Variants in TMEM132D observed in about 807,000 individuals in gnomAD.
TMEM132D encodes the protein transmembrane protein 132D.
TMEM132D carries 21 observed loss-of-function variants against 62.3 expected under a neutral mutation model. The ratio of observed to expected loss-of-function variants is 0.34; its 90% CI spans 0.24 to 0.49. TMEM132D has a LOEUF of 0.49. Ranked by LOEUF, TMEM132D falls within the 20% of genes least tolerant of loss-of-function variation. The pLI is 0.99. For synonymous variants in TMEM132D, 621 were observed against 575.6 expected (o/e 1.08, Z -1.13); for missense variants, 1,346 against 1,402.8 (o/e 0.96, Z 0.65).
rs186785335 is a variant in TMEM132D at position 129,417,173 on chromosome 12, G to A, written c.1116-79356C>T. ...GTAGAATTCGGCTGTGAATCCATCT[G>A]GTCCTGGGCTTTTTTTGTTGGTAGG... is the stretch of plus-strand genomic sequence containing the variant. On this transcript the variant is annotated intron_variant, in intron 3 of 8. Coordinates refer to ENST00000422113, the MANE Select transcript of TMEM132D (RefSeq NM_133448.3). Among the ~76,000 whole-genome samples, 335 of 152,220 alleles carry A rather than the reference G, an allele frequency of 2.2e-3. 1 individual carries two copies. Among genetic ancestry groups the A allele is most frequent in the Non-Finnish European group, 2.7e-3 (187 of 68,014 alleles).
At position 129,531,102 on chromosome 12, in the gene TMEM132D, C is replaced by T. The variant is rs758754781; in HGVS notation, c.1072G>A (p.Ala358Thr). Residue 358 changes from alanine (A) to threonine (T), a missense_variant, in exon 3 of 9, where the codon GCT (alanine) becomes ACT (threonine). Physicochemically the swap from Ala to Thr is moderately conservative, Grantham distance 58. Coordinates refer to ENST00000422113, the MANE Select transcript of TMEM132D (RefSeq NM_133448.3). ...GCTTTCTTCTGACAAACGATGACAGCTGGTGCATACTTTCCAGTATAATCC... is the reference window on the plus strand; with the variant it reads ...GCTTTCTTCTGACAAACGATGACAGTTGGTGCATACTTTCCAGTATAATCC... Reference protein sequence around the residue: ...RTDYTGKYAPAVIVCQKKAAG... With the variant: ...RTDYTGKYAPTVIVCQKKAAG... 6.2e-7 allele frequency: 1 copy of T among 1,613,752 alleles called. No homozygotes were observed. The highest frequency in any genetic ancestry group is 8.5e-7 in the Non-Finnish European group (1 of 1,179,858).
chr12:129,240,459 A>T (rs1879907062), intron 4 of TMEM132D, among the ~76,000 whole-genome samples: 1 of 149,904 alleles, frequency 6.7e-6, no homozygotes. Flanking sequence ...TTTTTGCTGA[A>T]TGAATAAGAA....
At chr12:129,843,125 A>T (rs1186619829) in intron 1 of TMEM132D, among the ~76,000 whole-genome samples, 1 of 152,200 alleles carries the variant, frequency 6.6e-6, no homozygotes, top group East Asian at 1.9e-4. Flanking sequence ...TGCCTGTAAG[A>T]TGTTGTTTAA....
rs551489643 is a variant in TMEM132D at position 129,801,185 on chromosome 12, G to A, written c.80-100487C>T. 2.7e-3 allele frequency among the ~76,000 whole-genome samples: 413 copies of A among 152,294 alleles called. 1 individual carries two copies. Among genetic ancestry groups the A allele is most frequent in the African/African-American group, 9.6e-3 (399 of 41,580 alleles). On this transcript the variant is annotated intron_variant, in intron 1 of 8. Coordinates refer to ENST00000422113, the MANE Select transcript of TMEM132D (RefSeq NM_133448.3). ...GCTTGCTCAGGTAAACAAAGCAGCCGGGAAGCTCCAACTGGGTGGAGCCCA... is the reference window on the plus strand; with the variant it reads ...GCTTGCTCAGGTAAACAAAGCAGCCAGGAAGCTCCAACTGGGTGGAGCCCA...
intron 3 of TMEM132D, among the ~76,000 whole-genome samples, chr12:129,356,697 T>TAAATAAAA (rs1870067147): frequency 7.1e-6 from 1 of 141,014 alleles, no homozygotes; most frequent in Non-Finnish European, 1.6e-5. Flanking sequence ...AATAAATAAA[T>TAAATAAAA]AAAATAAAAA....
intron 3 of TMEM132D, among the ~76,000 whole-genome samples, chr12:129,375,837 C>T (rs563686019): frequency 6.6e-6 from 1 of 152,314 alleles, no homozygotes; most frequent in Non-Finnish European, 1.5e-5. Context: ...CTGTGGTTCT[C>T]AGCTCACTCA....
intron 1 of TMEM132D, among the ~76,000 whole-genome samples, chr12:129,759,131 A>T (rs1331880632): frequency 6.6e-6 from 1 of 151,886 alleles, no homozygotes; most frequent in East Asian, 1.9e-4. Context: ...ACAGGGTTTC[A>T]CCATGTTGGC....
At chr12:129,564,241 T>A (rs1233369712) in intron 2 of TMEM132D, among the ~76,000 whole-genome samples, 1 of 152,212 alleles carries the variant, frequency 6.6e-6, no homozygotes, top group Non-Finnish European at 1.5e-5. Context: ...AATCTAAGTC[T>A]CCTTGACTTG....
intron 4 of TMEM132D, among the ~76,000 whole-genome samples, chr12:129,259,087 G>A (rs1880483822): frequency 1.3e-5 from 2 of 152,180 alleles, no homozygotes; most frequent in South Asian, 4.1e-4. Context: ...ACACTCCAGG[G>A]CCTCTTATCT....
intron 2 of TMEM132D, among the ~76,000 whole-genome samples, chr12:129,579,934 T>G (rs1422563429): frequency 6.6e-6 from 1 of 152,124 alleles, no homozygotes; most frequent in African/African-American, 2.4e-5. Context: ...AGTGGTTTAT[T>G]TGGAAATGTG....
intron 4 of TMEM132D, among the ~76,000 whole-genome samples, chr12:129,322,387 A>G (rs1333443084): frequency 1.3e-5 from 2 of 151,506 alleles, no homozygotes; most frequent in Non-Finnish European, 2.9e-5. Flanking sequence ...CAAAATGGCC[A>G]TGCCATGATG....
At chr12:129,562,351 G>T (rs986326) in intron 2 of TMEM132D, among the ~76,000 whole-genome samples, 6,111 of 152,240 alleles carry the variant, frequency 0.04, 439 homozygotes, top group African/African-American at 0.14. Flanking sequence ...TGCAGACCAA[G>T]TTACCCAGCT....
intron 3 of TMEM132D, among the ~76,000 whole-genome samples, chr12:129,501,781 C>T (rs7957816): frequency 0.076 from 11,581 of 152,064 alleles, 571 homozygotes; most frequent in Admixed American, 0.13. Context: ...GCTGGGATTA[C>T]GGGTGTGCAC....
At chr12:129,228,406 T>G (rs993259185) in intron 4 of TMEM132D, among the ~76,000 whole-genome samples, 1 of 152,182 alleles carries the variant, frequency 6.6e-6, no homozygotes, top group Non-Finnish European at 1.5e-5. Context: ...AGTGTGCAAT[T>G]CATTAGTTTT....
intron 1 of TMEM132D, among the ~76,000 whole-genome samples, chr12:129,822,029 T>C (rs1470330267): frequency 1.3e-5 from 2 of 152,160 alleles, no homozygotes; most frequent in African/African-American, 4.8e-5. Flanking sequence ...TTTGTACTCA[T>C]GGAGCAAATT....
chr12:129,347,619 G>A (rs1410523009), intron 3 of TMEM132D, among the ~76,000 whole-genome samples: 3 of 152,024 alleles, frequency 2.0e-5, no homozygotes, highest in Admixed American at 1.3e-4. Flanking sequence ...AGAGGAAAAC[G>A]TAGGCAATAC....
intron 3 of TMEM132D, among the ~76,000 whole-genome samples, chr12:129,458,340 T>C (rs913231561): frequency 6.6e-6 from 1 of 151,086 alleles, no homozygotes; most frequent in Admixed American, 6.6e-5. Flanking sequence ...ATTTAAACAA[T>C]AAAAAATGGT....
intron 2 of TMEM132D, among the ~76,000 whole-genome samples, chr12:129,604,515 C>T (rs779282076): frequency 1.1e-4 from 16 of 152,122 alleles, no homozygotes; most frequent in African/African-American, 2.4e-4. Flanking sequence ...CCAAGGAGCA[C>T]GAGCGTTGGA....
chr12:129,822,841 A>C (rs1054711064), intron 1 of TMEM132D, among the ~76,000 whole-genome samples: 1 of 152,134 alleles, frequency 6.6e-6, no homozygotes, highest in African/African-American at 2.4e-5. Context: ...TGCCCTTGAC[A>C]TTTGGGGATT....
Sources: gnomAD v4.1 joint callset for allele counts (sites outside exome capture counted in the v4.1 genomes callset) on GRCh38, gnomAD v4.1.1 for gene constraint, MANE v1.5 for transcripts, NCBI Gene and HGNC (gene_info 2026-07-23, HGNC 2026-07-21) for gene names.